The following NTM variants were observed in gnomAD, a reference collection of about 807,000 sequenced individuals.
The protein encoded by NTM is IgLON family member 2.
A neutral mutation model predicts 42.1 loss-of-function variants in NTM; 13 were observed. The ratio of observed to expected loss-of-function variants is 0.31; its 90% CI spans 0.20 to 0.49. The LOEUF (loss-of-function observed/expected upper bound fraction) is 0.49. Ranked by LOEUF, NTM falls within the 20% of genes least tolerant of loss-of-function variation. NTM has a pLI of 0.99. For synonymous variants in NTM, 187 were observed against 179.2 expected, an observed-to-expected ratio of 1.04 and a Z score of -0.35; for missense variants, 373 against 452.8, an observed-to-expected ratio of 0.82 and a Z score of 1.60.
At chr11:132,251,759 G>C (rs752817628) in intron 4 of NTM, among the ~76,000 whole-genome samples, 9 of 152,170 alleles carry the variant, frequency 5.9e-5, no homozygotes, top group Non-Finnish European at 1.3e-4. Flanking sequence ...TGGACTCAGT[G>C]GTACGTATGA....
At chr11:131,607,260 G>T (rs1876227) in intron 1 of NTM, among the ~76,000 whole-genome samples, 4,954 of 152,230 alleles carry the variant, frequency 0.033, 254 homozygotes, top group African/African-American at 0.11. Flanking sequence ...TGAAGCTGCT[G>T]GCCTTCTTGC....
At chr11:132,027,676 C>A (rs1420133521) in intron 2 of NTM, among the ~76,000 whole-genome samples, 1 of 152,118 alleles carries the variant, frequency 6.6e-6, no homozygotes, top group African/African-American at 2.4e-5. Flanking sequence ...TCAAGTTTGC[C>A]TGTCTTTGAT....
chr11:131,890,296 A>T (rs1306718317), intron 1 of NTM, among the ~76,000 whole-genome samples: 2 of 152,114 alleles, frequency 1.3e-5, no homozygotes, highest in African/African-American at 4.8e-5. Flanking sequence ...TTCTAAACAC[A>T]TTCTGAATCT....
At chr11:132,329,573 G>T (rs1020668666) in intron 7 of NTM, among the ~76,000 whole-genome samples, 1 of 152,200 alleles carries the variant, frequency 6.6e-6, no homozygotes, top group Non-Finnish European at 1.5e-5. Flanking sequence ...AAAGTCAAAT[G>T]TCAATGGTTT....
chr11:132,119,609 C>A (rs1460184431), intron 2 of NTM, among the ~76,000 whole-genome samples: 1 of 152,216 alleles, frequency 6.6e-6, no homozygotes, highest in African/African-American at 2.4e-5. Flanking sequence ...CAGGTTAATG[C>A]ATTAAATTGT....
intron 1 of NTM, among the ~76,000 whole-genome samples, chr11:131,691,967 C>T (rs2074822943): frequency 6.6e-6 from 1 of 152,232 alleles, no homozygotes; most frequent in Non-Finnish European, 1.5e-5. Context: ...GCTGGACCCC[C>T]TCCTGGATGG....
chr11:131,936,372 G>A (rs2059216809), intron 2 of NTM, among the ~76,000 whole-genome samples: 1 of 152,180 alleles, frequency 6.6e-6, no homozygotes, highest in African/African-American at 2.4e-5. Flanking sequence ...TTCTGTGGAA[G>A]TGCTGTTTTC....
intron 2 of NTM, among the ~76,000 whole-genome samples, chr11:132,122,743 C>A (rs1009711667): frequency 2.6e-5 from 4 of 152,158 alleles, no homozygotes; most frequent in Admixed American, 2.6e-4. Context: ...CAGGGACTCA[C>A]CCCTTTCTCC....
chr11:131,571,611 G>A (rs1338103408), intron 1 of NTM, among the ~76,000 whole-genome samples: 2 of 152,208 alleles, frequency 1.3e-5, no homozygotes, highest in East Asian at 3.9e-4. Flanking sequence ...TGGCACCACA[G>A]TCAAAGAAGA....
At chr11:131,684,031 A>T (rs1034151825) in intron 1 of NTM, among the ~76,000 whole-genome samples, 1 of 152,134 alleles carries the variant, frequency 6.6e-6, no homozygotes, top group African/African-American at 2.4e-5. Context: ...TCTAATTCTA[A>T]CTCTACTACT....
chr11:131,461,852 A>G (rs1951411982), intron 1 of NTM, among the ~76,000 whole-genome samples: 1 of 152,206 alleles, frequency 6.6e-6, no homozygotes, highest in Non-Finnish European at 1.5e-5. Flanking sequence ...TAAAGCTGAA[A>G]AAAGAGAGAT....
At chr11:131,992,541 C>T (rs1487772792) in intron 2 of NTM, among the ~76,000 whole-genome samples, 1 of 152,076 alleles carries the variant, frequency 6.6e-6, no homozygotes, top group Non-Finnish European at 1.5e-5. Flanking sequence ...ACAGGAATCG[C>T]ATCAGGGACC....
chr11:131,962,297 C>T (rs374765085), intron 2 of NTM, among the ~76,000 whole-genome samples: 1 of 152,290 alleles, frequency 6.6e-6, no homozygotes, highest in Admixed American at 6.5e-5. Flanking sequence ...ATAAGCAAGG[C>T]ACAACCAAAC....
At chr11:131,612,366 C>T (rs187221022) in intron 1 of NTM, among the ~76,000 whole-genome samples, 2 of 152,354 alleles carry the variant, frequency 1.3e-5, no homozygotes, top group East Asian at 3.9e-4. Flanking sequence ...CTTTGTTATA[C>T]AGCAACAGAT....
chr11:131,944,631 T>G (rs184825440), intron 2 of NTM, among the ~76,000 whole-genome samples: 1 of 152,346 alleles, frequency 6.6e-6, no homozygotes, highest in Admixed American at 6.5e-5. Context: ...AACATGCACT[T>G]CATCTCCTCC....
chr11:131,660,970 G>T (rs1163388362), intron 1 of NTM: 1 of 1,304,210 alleles, frequency 7.7e-7, no homozygotes, highest in Non-Finnish European at 1.0e-6. Context: ...GGCAAAGTTG[G>T]ATGTTTTTAA....
chr11:132,046,845 C>T (rs539828661), intron 2 of NTM, among the ~76,000 whole-genome samples: 1 of 152,330 alleles, frequency 6.6e-6, no homozygotes, highest in South Asian at 2.1e-4. Context: ...TACTGTTTAT[C>T]TATCTACCAT....
intron 2 of NTM, among the ~76,000 whole-genome samples, chr11:131,997,520 C>T (rs1022972569): frequency 6.6e-6 from 1 of 152,128 alleles, no homozygotes; most frequent in Non-Finnish European, 1.5e-5. Flanking sequence ...GGTGAGCATG[C>T]GGGCAGTGGG....
At position 132,003,573 on chromosome 11, in the gene NTM, G is replaced by C. The variant is rs1278409003; in HGVS notation, c.167+91925G>C. ...TGATTTGCATTTTTAACAAGTTCCT[G>C]GGTAAAACTGATCCTTGTGGTCTGG... On this transcript the variant is annotated intron_variant, in intron 2 of 8. Coordinates refer to ENST00000683400, the MANE Select transcript of NTM (RefSeq NM_001352005.2). The surrounding 1 kb of genome is among the most constrained non-coding windows in gnomAD (Gnocchi z 6.0). Among the ~76,000 whole-genome samples the C allele has an allele frequency of 6.6e-6, 1 of 152,058 alleles. No homozygotes were observed. Among genetic ancestry groups the C allele is most frequent in the Non-Finnish European group, 1.5e-5 (1 of 68,010 alleles).
Sources: gnomAD v4.1 joint callset for allele counts (sites outside exome capture counted in the v4.1 genomes callset) on GRCh38, gnomAD v4.1.1 for gene constraint, Gnocchi (gnomAD v3.1) non-coding constraint, MANE v1.5 for transcripts, NCBI Gene and HGNC (gene_info 2026-07-23, HGNC 2026-07-21) for gene names.